The following PRKCA variants were observed in gnomAD, a reference collection of about 807,000 sequenced individuals.
The protein encoded by PRKCA is protein kinase C alpha, also known as protein kinase C alpha type.
Under a neutral mutation model 87.0 loss-of-function variants are expected in PRKCA, and 27 were observed. The observed-to-expected ratio is 0.31, with a 90% confidence interval of 0.23 to 0.43. The LOEUF is 0.43. Among genes scored for constraint, PRKCA ranks in the 20% least tolerant of loss-of-function variants. The pLI, the probability that PRKCA is intolerant of heterozygous loss-of-function variation, is 1.00. For synonymous variants in PRKCA, 329 were observed against 311.1 expected, an observed-to-expected ratio of 1.06 and a Z score of -0.61; for missense variants, 518 against 852.3, an observed-to-expected ratio of 0.61 and a Z score of 4.88.
chr17:66,631,249 A>G (rs541347259), intron 3 of PRKCA, among the ~76,000 whole-genome samples: 3 of 152,204 alleles, frequency 2.0e-5, no homozygotes, highest in Non-Finnish European at 4.4e-5. Context: ...GAGTCTTCAC[A>G]TGGTGGGCAC....
rs1212580457 is a variant in PRKCA at position 66,805,206 on chromosome 17, C to T, written c.*1169C>T. ...CCTGGAGCTGTAGAATCAGGAAACCCGGATGCCTAACAGCTCAAAGATGTT... is the reference window on the plus strand; with the variant it reads ...CCTGGAGCTGTAGAATCAGGAAACCTGGATGCCTAACAGCTCAAAGATGTT... On this transcript the variant is annotated 3_prime_UTR_variant, in exon 17 of 17. Coordinates refer to ENST00000413366, the MANE Select transcript of PRKCA (RefSeq NM_002737.3). 1.2e-5 allele frequency: 11 copies of T among 899,022 alleles called. No homozygotes were observed. Among genetic ancestry groups the T allele is most frequent in the African/African-American group, 3.6e-5 (2 of 55,158 alleles). The allele number at this position is 899,022 out of a possible 1,614,324, so 55.7% of individuals were successfully genotyped here.
chr17:66,775,482 T>G, intron 14 of PRKCA: 1 of 985,026 alleles, frequency 1.0e-6, no homozygotes, highest in Non-Finnish European at 1.2e-6. Flanking sequence ...GAAGCAGGCT[T>G]GGTAATCACG....
chr17:66,609,376 A>G (rs1268448935), intron 3 of PRKCA, among the ~76,000 whole-genome samples: 1 of 152,214 alleles, frequency 6.6e-6, no homozygotes, highest in Non-Finnish European at 1.5e-5. Flanking sequence ...AAGGTGCTGA[A>G]AAGTGTAATG....
intron 3 of PRKCA, among the ~76,000 whole-genome samples, chr17:66,557,679 G>A (rs1489421038): frequency 1.3e-5 from 2 of 152,158 alleles, no homozygotes; most frequent in Non-Finnish European, 2.9e-5. Flanking sequence ...ATGCTTTATA[G>A]TAGAGCCCAC....
intron 2 of PRKCA, among the ~76,000 whole-genome samples, chr17:66,354,277 G>A (rs1044989104): frequency 1.3e-5 from 2 of 152,176 alleles, no homozygotes; most frequent in Admixed American, 6.5e-5. Context: ...TTTGTTATGA[G>A]TCATGTACAT....
intron 6 of PRKCA, among the ~76,000 whole-genome samples, chr17:66,687,836 G>A (rs1483675388): frequency 6.6e-6 from 1 of 152,210 alleles, no homozygotes; most frequent in Non-Finnish European, 1.5e-5. Context: ...ACTGAGTGTA[G>A]CTGAGGGAAA....
At chr17:66,438,804 C>A (rs1304284370) in intron 2 of PRKCA, among the ~76,000 whole-genome samples, 1 of 152,160 alleles carries the variant, frequency 6.6e-6, no homozygotes, top group Non-Finnish European at 1.5e-5. Flanking sequence ...CCTTATAAAA[C>A]CATCAGCTCT....
intron 8 of PRKCA, among the ~76,000 whole-genome samples, chr17:66,727,894 T>C (rs117808679): frequency 0.059 from 9,005 of 152,048 alleles, 267 homozygotes; most frequent in Non-Finnish European, 0.072. Flanking sequence ...TGGTTCCTCG[T>C]CCCCCTGCCC....
At chr17:66,568,536 G>T (rs1598777406) in intron 3 of PRKCA, among the ~76,000 whole-genome samples, 1 of 152,092 alleles carries the variant, frequency 6.6e-6, no homozygotes, top group East Asian at 1.9e-4. Flanking sequence ...TCTGTCTTCA[G>T]TGCACTTACT....
chr17:66,415,408 A>T (rs1310594548), intron 2 of PRKCA: 1 of 152,180 alleles, frequency 6.6e-6, no homozygotes, highest in East Asian at 1.9e-4. Flanking sequence ...TCAGTGAGGG[A>T]TTAGAAGCTT....
chr17:66,798,273 G>A (rs1598952688), intron 16 of PRKCA, among the ~76,000 whole-genome samples: 2 of 152,328 alleles, frequency 1.3e-5, no homozygotes, highest in African/African-American at 2.4e-5. Flanking sequence ...TTGATAGTAG[G>A]AAGAATCTCT....
intron 15 of PRKCA, 89 bp from the exon 16 acceptor site, chr17:66,788,750 G>A (rs992467545): frequency 1.3e-6 from 2 of 1,482,292 alleles, no homozygotes; most frequent in South Asian, 1.3e-5. Flanking sequence ...ACAAAGTCAG[G>A]GCTGTAGGCA....
Position 66,774,994 on chromosome 17 carries a change from T to C in PRKCA, c.1605+927T>C, listed in dbSNP as rs1232072604. On this transcript the variant is annotated intron_variant, in intron 14 of 16. Coordinates refer to ENST00000413366, the MANE Select transcript of PRKCA (RefSeq NM_002737.3). ...TAATATAATGGCCTTAATATCTGTG[T>C]CATCAGGGTGAATCGTACTATCTGC... is the stretch of plus-strand genomic sequence containing the variant. 1.1e-5 allele frequency: 11 copies of C among 985,428 alleles called. No individual in the cohort carries two copies. In the East Asian group the frequency reaches 1.1e-3, roughly 102 times the overall value. 61.0% of individuals were successfully genotyped at this position (985,428 alleles called of 1,614,324 possible). A position where few individuals can be genotyped will look rare whatever the true frequency, so the allele number is the denominator to read the frequency against.
intron 3 of PRKCA, among the ~76,000 whole-genome samples, chr17:66,578,812 G>A (rs1295658494): frequency 1.3e-5 from 2 of 152,172 alleles, no homozygotes; most frequent in African/African-American, 4.8e-5. Context: ...CTCTGGTCTT[G>A]TGCCTCCTCC....
intron 5 of PRKCA, among the ~76,000 whole-genome samples, chr17:66,648,832 C>T (rs1971515455): frequency 6.6e-6 from 1 of 152,102 alleles, no homozygotes; most frequent in Non-Finnish European, 1.5e-5. Context: ...GTGTCTCACA[C>T]CTGTAATCCC....
At chr17:66,778,101 G>C (rs1334904324) in intron 14 of PRKCA, 1 of 985,288 alleles carries the variant, frequency 1.0e-6, no homozygotes, top group Non-Finnish European at 1.2e-6. Context: ...AGAGCACCAG[G>C]CTCCAGCTCT....
chr17:66,383,376 A>C (rs1421312432), intron 2 of PRKCA, among the ~76,000 whole-genome samples: 1 of 151,334 alleles, frequency 6.6e-6, no homozygotes, highest in Non-Finnish European at 1.5e-5. Context: ...TGCATAAAGC[A>C]TAAAGTTACT....
chr17:66,320,699 G>A (rs1905605775), intron 2 of PRKCA, among the ~76,000 whole-genome samples: 1 of 152,146 alleles, frequency 6.6e-6, no homozygotes, highest in Admixed American at 6.5e-5. Context: ...TTAACTCTGT[G>A]ATTCTCTGGC....
At chr17:66,801,736 A>C (rs966538521) in intron 16 of PRKCA, among the ~76,000 whole-genome samples, 1 of 152,170 alleles carries the variant, frequency 6.6e-6, no homozygotes, top group Non-Finnish European at 1.5e-5. Flanking sequence ...GCCAGCCCAC[A>C]TGTGGGAGGC....
Sources: gnomAD v4.1 joint callset for allele counts (sites outside exome capture counted in the v4.1 genomes callset) on GRCh38, gnomAD v4.1.1 for gene constraint, MANE v1.5 for transcripts, NCBI Gene and HGNC (gene_info 2026-07-23, HGNC 2026-07-21) for gene names.